RPH3A: variants seen among roughly 807,000 people sequenced by gnomAD.
RPH3A encodes the protein rabphilin-3A.
A neutral mutation model predicts 102.2 loss-of-function variants in RPH3A; 48 were observed. That is an observed-to-expected ratio of 0.47 (90% CI 0.37 to 0.60). The LOEUF is 0.60. Among genes scored for constraint, RPH3A ranks in the 20% least tolerant of loss-of-function variants. The pLI is 0.00. For synonymous variants in RPH3A, 310 were observed against 324.3 expected (o/e 0.96, Z 0.47); for missense variants, 781 against 910.1 (o/e 0.86, Z 1.83).
intron 1 of RPH3A, among the ~76,000 whole-genome samples, chr12:112,607,872 C>T (rs1209636793): frequency 1.3e-5 from 2 of 152,124 alleles, no homozygotes; most frequent in South Asian, 2.1e-4. Flanking sequence ...CATTTTATGG[C>T]GAACCAGAAG....
intron 16 of RPH3A, among the ~76,000 whole-genome samples, chr12:112,886,235 G>T (rs1222813791): frequency 6.6e-6 from 1 of 152,038 alleles, no homozygotes. Context: ...CTTAGTGTTT[G>T]TCAGGATGAA....
At chr12:112,760,218 C>T (rs879702512) in intron 1 of RPH3A, among the ~76,000 whole-genome samples, 9 of 152,148 alleles carry the variant, frequency 5.9e-5, no homozygotes, top group East Asian at 1.9e-4. Flanking sequence ...GCCAAAATTG[C>T]GTTCATGGAG....
chr12:112,636,805 A>G (rs539842108), intron 1 of RPH3A, among the ~76,000 whole-genome samples: 50 of 152,054 alleles, frequency 3.3e-4, no homozygotes, highest in African/African-American at 1.1e-3. Flanking sequence ...CCTTTCACAC[A>G]CTCTACTCTA....
intron 2 of RPH3A, among the ~76,000 whole-genome samples, chr12:112,811,336 T>C (rs2041571534): frequency 6.6e-6 from 1 of 152,172 alleles, no homozygotes; most frequent in Admixed American, 6.5e-5. Flanking sequence ...TTGTGGCCAA[T>C]AGCATGAGGC....
At chr12:112,825,377 G>C (rs1419524736) in intron 2 of RPH3A, among the ~76,000 whole-genome samples, 1 of 152,156 alleles carries the variant, frequency 6.6e-6, no homozygotes, top group Non-Finnish European at 1.5e-5. Context: ...AAGGATACAG[G>C]ACAGGAGAGG....
At chr12:112,884,381 C>T (rs958628620) in intron 16 of RPH3A, among the ~76,000 whole-genome samples, 3 of 152,156 alleles carry the variant, frequency 2.0e-5, no homozygotes, top group African/African-American at 7.2e-5. Flanking sequence ...AGCTAGACAC[C>T]ATCCTGAATT....
chr12:112,816,750 T>G (rs2041679021), intron 2 of RPH3A, among the ~76,000 whole-genome samples: 1 of 152,232 alleles, frequency 6.6e-6, no homozygotes, highest in Non-Finnish European at 1.5e-5. Flanking sequence ...TAATCCATCA[T>G]TGTTTTCCTC....
At chr12:112,592,566 G>T (rs187229869) in intron 1 of RPH3A, among the ~76,000 whole-genome samples, 1 of 152,160 alleles carries the variant, frequency 6.6e-6, no homozygotes, top group African/African-American at 2.4e-5. Context: ...TGATCTGCCC[G>T]CCTTGGCCTT....
At chr12:112,745,370 A>G (rs983506734) in intron 1 of RPH3A, among the ~76,000 whole-genome samples, 2 of 152,200 alleles carry the variant, frequency 1.3e-5, no homozygotes, top group Non-Finnish European at 2.9e-5. Flanking sequence ...GTGGGGAGAT[A>G]CTTTGAAACT....
At chr12:112,872,465 T>C (rs543775717) in intron 10 of RPH3A, among the ~76,000 whole-genome samples, 2 of 152,334 alleles carry the variant, frequency 1.3e-5, no homozygotes, top group African/African-American at 2.4e-5. Context: ...TTATCAGATA[T>C]ATAATTTACA....
chr12:112,812,306 A>T (rs1258679043), intron 2 of RPH3A, among the ~76,000 whole-genome samples: 1 of 152,192 alleles, frequency 6.6e-6, no homozygotes, highest in Non-Finnish European at 1.5e-5. Flanking sequence ...GGGTGTTAGT[A>T]CCAGGAGAAT....
chr12:112,819,108 G>GTA (rs539357129), intron 2 of RPH3A, among the ~76,000 whole-genome samples: 25 of 150,948 alleles, frequency 1.7e-4, no homozygotes, highest in South Asian at 4.2e-4. Flanking sequence ...GTGTGTGTGT[G>GTA]TATATATATA....
intron 1 of RPH3A, among the ~76,000 whole-genome samples, chr12:112,768,792 A>G (rs2040908898): frequency 6.6e-6 from 1 of 152,096 alleles, no homozygotes; most frequent in Non-Finnish European, 1.5e-5. Context: ...CACTTCTGTA[A>G]TTCTAGCTAC....
intron 1 of RPH3A, among the ~76,000 whole-genome samples, chr12:112,700,677 A>C (rs2040387694): frequency 6.6e-6 from 1 of 152,000 alleles, no homozygotes; most frequent in Non-Finnish European, 1.5e-5. Flanking sequence ...GACATGATTG[A>C]TCACCCCTTT....
intron 19 of RPH3A, among the ~76,000 whole-genome samples, chr12:112,892,097 A>C (rs1219227713): frequency 6.6e-6 from 1 of 152,226 alleles, no homozygotes; most frequent in Admixed American, 6.5e-5. Context: ...TTAGCACCTC[A>C]GTAGAATTCT....
intron 10 of RPH3A, 31 bp from the exon 11 acceptor site, chr12:112,875,053 T>A: frequency 1.3e-6 from 2 of 1,557,578 alleles, no homozygotes; most frequent in Non-Finnish European, 1.7e-6. Flanking sequence ...GTGTGACACA[T>A]AATGGCTGTT....
chr12:112,745,962 A>G (rs1443704052), intron 1 of RPH3A, among the ~76,000 whole-genome samples: 1 of 151,900 alleles, frequency 6.6e-6, no homozygotes, highest in Non-Finnish European at 1.5e-5. Context: ...AGGAGTGTTT[A>G]TGAGCTTCCC....
chr12:112,735,736 C>A (rs548211874), intron 1 of RPH3A, among the ~76,000 whole-genome samples: 32 of 152,250 alleles, frequency 2.1e-4, no homozygotes, highest in African/African-American at 7.5e-4. Context: ...GGTGTCCTGA[C>A]CTTGGTCTTC....
At chr12:112,799,604 G>A (rs1051367747) in intron 2 of RPH3A, among the ~76,000 whole-genome samples, 5 of 152,158 alleles carry the variant, frequency 3.3e-5, no homozygotes, top group African/African-American at 9.7e-5. Context: ...GCATGGCTCC[G>A]GCATGGACTA....
Sources: allele counts gnomAD v4.1 joint callset (sites outside exome capture counted in the v4.1 genomes callset), GRCh38; gene constraint gnomAD v4.1.1; transcripts MANE v1.5; gene names NCBI Gene and HGNC (gene_info 2026-07-23, HGNC 2026-07-21).